RNF180: variants seen among roughly 807,000 people sequenced by gnomAD.
RNF180 encodes the protein ring finger protein 180, also known as E3 ubiquitin-protein ligase RNF180.
RNF180 carries 38 observed loss-of-function variants against 59.2 expected under a neutral mutation model. The observed-to-expected ratio is 0.64, with a 90% confidence interval of 0.50 to 0.84. The LOEUF is 0.84. Among genes scored for constraint, RNF180 ranks in the 40% least tolerant of loss-of-function variants. The pLI, the probability that RNF180 is intolerant of heterozygous loss-of-function variation, is 0.00. For missense variants in RNF180, 705 were observed against 700.9 expected (o/e 1.01, Z -0.07); for synonymous variants, 262 against 240.3 (o/e 1.09, Z -0.84).
intron 7 of RNF180, among the ~76,000 whole-genome samples, chr5:64,367,122 C>T (rs955037026): frequency 1.3e-5 from 2 of 151,456 alleles, no homozygotes; most frequent in Admixed American, 1.3e-4. Flanking sequence ...ACAAAGTTTT[C>T]CTTCAGAATT....
chr5:64,269,728 A>G (rs1744900424), intron 5 of RNF180, among the ~76,000 whole-genome samples: 1 of 152,170 alleles, frequency 6.6e-6, no homozygotes. Flanking sequence ...ATTATCTTCA[A>G]ACTTCAAAGT....
intron 5 of RNF180, among the ~76,000 whole-genome samples, chr5:64,283,098 T>C (rs1479451296): frequency 6.6e-6 from 1 of 152,192 alleles, no homozygotes; most frequent in Non-Finnish European, 1.5e-5. Context: ...TAGCACAATG[T>C]TGAAGCCACC....
intron 5 of RNF180, among the ~76,000 whole-genome samples, chr5:64,287,205 T>C (rs978234993): frequency 6.6e-6 from 1 of 152,094 alleles, no homozygotes; most frequent in Non-Finnish European, 1.5e-5. Flanking sequence ...GACCTCATGA[T>C]CCACCCACTT....
intron 7 of RNF180, among the ~76,000 whole-genome samples, chr5:64,359,444 T>G (rs1268359500): frequency 6.6e-6 from 1 of 152,118 alleles, no homozygotes; most frequent in Admixed American, 6.6e-5. Flanking sequence ...CTTTGAGAAG[T>G]GTCTGTTCAT....
chr5:64,369,865 A>T lies in RNF180; in HGVS notation c.*51A>T, dbSNP rs912304609. The T allele has an allele frequency of 9.8e-7, 1 of 1,018,590 alleles. No homozygotes were observed. Among genetic ancestry groups the T allele is most frequent in the Non-Finnish European group, 1.3e-6 (1 of 751,034 alleles). The allele number at this position is 1,018,590 out of a possible 1,614,324, so 63.1% of individuals were successfully genotyped here. The stretch of plus-strand genomic sequence containing the variant: ...CCAATCATAAATGATGTAAATAACA[A>T]TTGCTTAAACATTTTTAAATGTGCT... On this transcript the variant is annotated 3_prime_UTR_variant, in exon 8 of 8. Coordinates refer to ENST00000389100, the MANE Select transcript of RNF180 (RefSeq NM_001113561.2).
chr5:64,293,850 T>C (rs577675867), intron 5 of RNF180, among the ~76,000 whole-genome samples: 12 of 152,314 alleles, frequency 7.9e-5, no homozygotes, highest in Non-Finnish European at 1.2e-4. Flanking sequence ...TTCCGTATTT[T>C]TTCTGAAAAG....
At chr5:64,293,299 T>C (rs1037449718) in intron 5 of RNF180, among the ~76,000 whole-genome samples, 3 of 152,134 alleles carry the variant, frequency 2.0e-5, no homozygotes, top group Admixed American at 6.5e-5. Context: ...TGGGTTGAGT[T>C]GTCTGCCTAG....
intron 7 of RNF180, among the ~76,000 whole-genome samples, chr5:64,341,613 G>A (rs1745359233): frequency 6.6e-6 from 1 of 152,094 alleles, no homozygotes; most frequent in Non-Finnish European, 1.5e-5. Flanking sequence ...GGCCTTAAGT[G>A]AGATGATGGA....
At chr5:64,349,395 A>T (rs1580292820) in intron 7 of RNF180, among the ~76,000 whole-genome samples, 1 of 146,318 alleles carries the variant, frequency 6.8e-6, no homozygotes, top group South Asian at 2.1e-4. Context: ...AAGTTATGAC[A>T]GGCTAGTCTT....
chr5:64,227,325 A>G (rs1580058150), intron 5 of RNF180, among the ~76,000 whole-genome samples: 4 of 152,182 alleles, frequency 2.6e-5, no homozygotes, highest in Non-Finnish European at 1.5e-5. Context: ...GCACCCCACC[A>G]TGGGTGCAGG....
At chr5:64,345,774 A>G (rs1322449079) in intron 7 of RNF180, among the ~76,000 whole-genome samples, 3 of 152,204 alleles carry the variant, frequency 2.0e-5, no homozygotes, top group Admixed American at 6.5e-5. Flanking sequence ...AACTCACATT[A>G]CTGACCAAAA....
chr5:64,350,626 T>C (rs1343740705), intron 7 of RNF180, among the ~76,000 whole-genome samples: 1 of 152,180 alleles, frequency 6.6e-6, no homozygotes, highest in Non-Finnish European at 1.5e-5. Context: ...TTTCTACATA[T>C]GGCTAGCCAG....
At chr5:64,287,882 TGTGCAGAAGCTCCTTA>T (rs1468712052) in intron 5 of RNF180, among the ~76,000 whole-genome samples, 1 of 152,226 alleles carries the variant, frequency 6.6e-6, no homozygotes, top group Non-Finnish European at 1.5e-5. Context: ...CTTCTTTTTG[TGTGCAGAAGCTCCTTA>T]GTTTAATTAA....
chr5:64,223,838 G>A (rs1205534336), intron 5 of RNF180, among the ~76,000 whole-genome samples: 5 of 152,026 alleles, frequency 3.3e-5, no homozygotes, highest in Admixed American at 6.6e-5. Flanking sequence ...AAATATCATC[G>A]CTTCCTGGAA....
intron 5 of RNF180, among the ~76,000 whole-genome samples, chr5:64,278,251 A>G (rs993678252): frequency 6.6e-6 from 1 of 152,154 alleles, no homozygotes; most frequent in Non-Finnish European, 1.5e-5. Flanking sequence ...CCGGTTAGTA[A>G]TCATGATTTG....
At chr5:64,257,635 C>G (rs541022616) in intron 5 of RNF180, among the ~76,000 whole-genome samples, 36 of 152,198 alleles carry the variant, frequency 2.4e-4, no homozygotes, top group Admixed American at 1.0e-3. Flanking sequence ...TTGCATCAAT[C>G]TTCATCAGGG....
rs1162054033 is a variant in RNF180, at chr5:64,346,359, CTTTTTTTTTT to C, written c.1579+15971_1579+15980del. Among the ~76,000 whole-genome samples, 12 of 42,954 alleles carry C rather than the reference CTTTTTTTTTT, an allele frequency of 2.8e-4. No homozygotes were observed. The South Asian group carries it at 4.1e-3, about 15-fold the overall frequency. 28.2% of individuals were successfully genotyped at this position (42,954 alleles called of 152,430 possible). A position where few individuals can be genotyped will look rare whatever the true frequency, so the allele number is the denominator to read the frequency against. On this transcript the variant is annotated intron_variant, in intron 7 of 7. Transcript: ENST00000389100. The stretch of plus-strand genomic sequence containing the variant: ...TCTATTCTTCTTTTTTTCTTTTCTT[CTTTTTTTTTT>C]TTTTTTTTTTTTTTTTTCTGAGAGA...
At chr5:64,338,797 T>A (rs10077047) in intron 7 of RNF180, among the ~76,000 whole-genome samples, 10,843 of 152,184 alleles carry the variant, frequency 0.071, 765 homozygotes, top group East Asian at 0.38. Flanking sequence ...ATTTTGTGGA[T>A]GTTTTTTCAG....
At chr5:64,317,145 T>TGC (rs1204272036) in intron 5 of RNF180, among the ~76,000 whole-genome samples, 3 of 152,084 alleles carry the variant, frequency 2.0e-5, no homozygotes, top group African/African-American at 4.8e-5. Context: ...TATATATGTG[T>TGC]GTGCGTGTGT....
Sources: allele counts gnomAD v4.1 joint callset (sites outside exome capture counted in the v4.1 genomes callset), GRCh38; gene constraint gnomAD v4.1.1; transcripts MANE v1.5; gene names NCBI Gene and HGNC (gene_info 2026-07-23, HGNC 2026-07-21).